XPA: variants seen among roughly 807,000 people sequenced by gnomAD.
XPA encodes the protein XPA, DNA damage recognition and repair factor, also known as DNA repair protein complementing XP-A cells.
In XPA, 27 loss-of-function variants were observed where a neutral mutation model predicts 35.7. The observed-to-expected ratio is 0.76, with a 90% confidence interval of 0.56 to 1.04. XPA has a LOEUF of 1.04. Among genes scored for constraint, XPA ranks in the 50% least tolerant of loss-of-function variants. The pLI is 0.00. For synonymous variants in XPA, 133 were observed against 118.4 expected, an observed-to-expected ratio of 1.12 and a Z score of -0.80; for missense variants, 354 against 342.7, an observed-to-expected ratio of 1.03 and a Z score of -0.26.
At chr9:97,660,974 C>T in the XPA span, 1 of 1,612,266 alleles carries the variant, frequency 6.2e-7, no homozygotes, top group Non-Finnish European at 8.5e-7. Context: ...CTGTTGCCCT[C>T]TGTTTAGCTG....
chr9:97,668,756 G>T, the XPA span: 1 of 1,396,808 alleles, frequency 7.2e-7, no homozygotes, highest in Non-Finnish European at 9.7e-7. Context: ...CTTAACATTT[G>T]GCCAGACACA....
At chr9:97,676,521 A>C (rs936689495) in intron 5 of XPA, among the ~76,000 whole-genome samples, 1 of 152,358 alleles carries the variant, frequency 6.6e-6, no homozygotes, top group African/African-American at 2.4e-5. Context: ...CTATAAAAAT[A>C]ACATACATCA....
At chr9:97,664,297 GTA>G in the XPA span, 5 of 1,229,798 alleles carry the variant, frequency 4.1e-6, no homozygotes, top group African/African-American at 1.6e-5. Context: ...ATATGTGTGT[GTA>G]TGTGTGTGTG....
At chr9:97,667,231 A>G in the XPA span, among the ~76,000 whole-genome samples, 2 of 152,306 alleles carry the variant, frequency 1.3e-5, no homozygotes, top group Admixed American at 6.5e-5. Flanking sequence ...GACTATAGAT[A>G]CTTAACACTT....
chr9:97,690,770 G>C lies in XPA; in HGVS notation c.284-1131C>G, dbSNP rs3176662. Reference sequence around the variant, plus strand: ...ACTCCTGACCGCAGGTGATCCACCTGCCTTGGCCTCCCAGAGTGCTGGGAT... The same window carrying C: ...ACTCCTGACCGCAGGTGATCCACCTCCCTTGGCCTCCCAGAGTGCTGGGAT... On this transcript the variant is annotated intron_variant, in intron 2 of 5. Coordinates refer to ENST00000375128, the MANE Select transcript of XPA (RefSeq NM_000380.4). Among the ~76,000 whole-genome samples, 56 of 152,288 alleles carry C rather than the reference G, an allele frequency of 3.7e-4. No individual in the cohort carries two copies. In the South Asian group the frequency reaches 3.7e-3, roughly 10 times the overall value.
At chr9:97,693,159 C>G (rs1828943064) in intron 2 of XPA, among the ~76,000 whole-genome samples, 1 of 151,904 alleles carries the variant, frequency 6.6e-6, no homozygotes, top group Middle Eastern at 3.2e-3. Flanking sequence ...AAAGTACCCT[C>G]ACTGTGAAGA....
intron 5 of XPA, among the ~76,000 whole-genome samples, chr9:97,684,546 G>T (rs527283954): frequency 6.6e-6 from 1 of 152,212 alleles, no homozygotes; most frequent in South Asian, 2.1e-4. Flanking sequence ...TTAGGGCATG[G>T]CTTTTCATTT....
At chr9:97,660,593 T>C in the XPA span, among the ~76,000 whole-genome samples, 1 of 152,208 alleles carries the variant, frequency 6.6e-6, no homozygotes, top group Non-Finnish European at 1.5e-5. Flanking sequence ...TTCTGGGATT[T>C]TGAGCCCAGG....
At chr9:97,664,376 C>G in the XPA span, 1 of 1,612,912 alleles carries the variant, frequency 6.2e-7, no homozygotes, top group Non-Finnish European at 8.5e-7. Context: ...GATTCGTACA[C>G]AAATAGTTGA....
Position 97,697,294 on chromosome 9 carries a change from T to TC in XPA, c.-3dup, listed in dbSNP as rs758489457. ...CAAAGCCCCGTCGGCCGCCGCCATC[T>TC]CTGGCCCACTCCGAGGACCTAGCTC... On this transcript the variant is annotated 5_prime_UTR_variant, in exon 1 of 6. Coordinates refer to ENST00000375128, the MANE Select transcript of XPA (RefSeq NM_000380.4). 1 of 1,598,060 alleles carries TC rather than the reference T, an allele frequency of 6.3e-7. No individual in the cohort carries two copies. Among genetic ancestry groups the TC allele is most frequent in the Non-Finnish European group, 8.5e-7 (1 of 1,179,186 alleles).
At chr9:97,662,872 G>A in the XPA span, 4 of 1,018,480 alleles carry the variant, frequency 3.9e-6, no homozygotes, top group East Asian at 9.7e-5. Context: ...TATAAATTGA[G>A]TAACATTGAA....
chr9:97,694,696 T>C (rs1363539834), intron 1 of XPA, among the ~76,000 whole-genome samples: 4 of 152,204 alleles, frequency 2.6e-5, no homozygotes, highest in Non-Finnish European at 5.9e-5. Context: ...TTTGGCAATA[T>C]CTACTAAAGC....
chr9:97,692,231 C>T (rs1439936787), intron 2 of XPA, among the ~76,000 whole-genome samples: 3 of 151,592 alleles, frequency 2.0e-5, no homozygotes, highest in Non-Finnish European at 4.4e-5. Context: ...GCAGAGGTTG[C>T]GGTGAGCTGA....
rs1829086621 is a variant in XPA at position 97,697,276 on chromosome 9, C to T, written c.17G>A (p.Gly6Glu). The T allele has an allele frequency of 6.3e-7, 1 of 1,598,496 alleles. No individual in the cohort carries two copies. The highest frequency in any genetic ancestry group is 1.3e-5 in the African/African-American group (1 of 74,724). Reference sequence around the variant, plus strand: ...TAAAGCCGCCGCCTCCGGCAAAGCCCCGTCGGCCGCCGCCATCTCTGGCCC... The same window carrying T: ...TAAAGCCGCCGCCTCCGGCAAAGCCTCGTCGGCCGCCGCCATCTCTGGCCC... MAAAD[G>E]ALPEAAALEQ... The change falls in exon 1 of 6, where the codon GGG becomes GAG. Residue 6 changes from glycine to glutamate, a missense_variant. Transcript: ENST00000375128.
At chr9:97,657,904 CTCTA>C in the XPA span, among the ~76,000 whole-genome samples, 17 of 70,196 alleles carry the variant, frequency 2.4e-4, no homozygotes, top group Admixed American at 6.2e-4. Context: ...CTCTCTCTCT[CTCTA>C]TATATATATA....
At chr9:97,664,355 G>A in the XPA span, 1 of 1,609,496 alleles carries the variant, frequency 6.2e-7, no homozygotes, top group Middle Eastern at 1.7e-4. Context: ...TGCTGTACTA[G>A]TGGATAAGAT....
chr9:97,687,293 A>G, intron 3 of XPA, 32 bp from the exon 4 acceptor site: 1 of 1,554,552 alleles, frequency 6.4e-7, no homozygotes, highest in Non-Finnish European at 8.7e-7. Flanking sequence ...TATATAAATT[A>G]GTTATTTTAA....
intron 1 of XPA, among the ~76,000 whole-genome samples, chr9:97,696,832 T>A (rs1484025984): frequency 6.6e-6 from 1 of 152,100 alleles, no homozygotes; most frequent in Admixed American, 6.5e-5. Context: ...GGCGGCTGCA[T>A]CCCTAAACGA....
the XPA span, chr9:97,655,801 A>G: frequency 1.9e-6 from 3 of 1,543,116 alleles, no homozygotes; most frequent in East Asian, 2.3e-5. Flanking sequence ...TCTGTAGTCA[A>G]AAAACTACTA....
Sources: allele counts gnomAD v4.1 joint callset (sites outside exome capture counted in the v4.1 genomes callset), GRCh38; gene constraint gnomAD v4.1.1; transcripts MANE v1.5; gene names NCBI Gene and HGNC (gene_info 2026-07-23, HGNC 2026-07-21).